AUTS2: variants seen among roughly 807,000 people sequenced by gnomAD.
The protein encoded by AUTS2 is activator of transcription and developmental regulator AUTS2.
In AUTS2, 17 loss-of-function variants were observed where a neutral mutation model predicts 112.4. That is an observed-to-expected ratio of 0.15 (90% confidence interval 0.10 to 0.23). AUTS2 has a LOEUF of 0.23. AUTS2 is among the 10% of genes least tolerant of loss of function. The pLI, the probability that AUTS2 is intolerant of heterozygous loss-of-function variation, is 1.00. For missense variants in AUTS2, 1,510 were observed against 1,701.6 expected (o/e 0.89, Z 1.98); for synonymous variants, 751 against 702.7 (o/e 1.07, Z -1.09).
intron 2 of AUTS2, among the ~76,000 whole-genome samples, chr7:69,958,733 CT>C (rs1374897528): frequency 2.6e-5 from 4 of 152,180 alleles, no homozygotes; most frequent in African/African-American, 9.6e-5. Flanking sequence ...GTTTAACCGA[CT>C]GCTAGGCTCC....
At chr7:70,145,925 A>G (rs887739118) in intron 4 of AUTS2, among the ~76,000 whole-genome samples, 1 of 152,092 alleles carries the variant, frequency 6.6e-6, no homozygotes, top group Non-Finnish European at 1.5e-5. Context: ...ACGTTTAGAG[A>G]CTGCTTTTTC....
At chr7:70,537,711 C>T (rs1483373772) in intron 5 of AUTS2, among the ~76,000 whole-genome samples, 3 of 152,168 alleles carry the variant, frequency 2.0e-5, no homozygotes, top group East Asian at 3.9e-4. Context: ...AGAAATCAAG[C>T]GGTGGTCTAC....
At chr7:70,410,286 C>G (rs1447302586) in intron 4 of AUTS2, among the ~76,000 whole-genome samples, 2 of 152,080 alleles carry the variant, frequency 1.3e-5, no homozygotes. Context: ...CTACCTCTTC[C>G]CCATGTAGAA....
chr7:70,010,093 C>G, intron 2 of AUTS2, among the ~76,000 whole-genome samples: 1 of 152,070 alleles, frequency 6.6e-6, no homozygotes, highest in East Asian at 1.9e-4. Context: ...AAAAAGTTAC[C>G]TGTGAGCCTT....
chr7:70,080,158 A>G (rs932864099), intron 2 of AUTS2, among the ~76,000 whole-genome samples: 7 of 152,202 alleles, frequency 4.6e-5, no homozygotes, highest in African/African-American at 1.7e-4. Context: ...GATTGTCTAC[A>G]CTTAAAAGAA....
chr7:70,270,342 A>G (rs569625969), intron 4 of AUTS2, among the ~76,000 whole-genome samples: 13 of 152,136 alleles, frequency 8.5e-5, no homozygotes, highest in Non-Finnish European at 1.8e-4. Flanking sequence ...TGAAGGATGA[A>G]TAGGAGTTTA....
At chr7:70,245,467 T>C (rs1358726553) in intron 4 of AUTS2, among the ~76,000 whole-genome samples, 1 of 152,182 alleles carries the variant, frequency 6.6e-6, no homozygotes, top group African/African-American at 2.4e-5. Flanking sequence ...CTTTGTTTCC[T>C]AAACAGTGAT....
intron 5 of AUTS2, among the ~76,000 whole-genome samples, chr7:70,557,244 G>T (rs564581646): frequency 2.0e-4 from 30 of 152,268 alleles, no homozygotes; most frequent in African/African-American, 7.0e-4. Context: ...GCACAATTTT[G>T]TTCTTTTCCC....
At chr7:69,980,496 T>C (rs1798250795) in intron 2 of AUTS2, among the ~76,000 whole-genome samples, 1 of 152,158 alleles carries the variant, frequency 6.6e-6, no homozygotes, top group South Asian at 2.1e-4. Context: ...GTAGATCTGG[T>C]TATGTACATA....
intron 5 of AUTS2, among the ~76,000 whole-genome samples, chr7:70,444,281 A>C (rs1195299587): frequency 6.6e-6 from 1 of 151,528 alleles, no homozygotes; most frequent in Non-Finnish European, 1.5e-5. Flanking sequence ...AATTTGTCTT[A>C]TACTGTATTA....
At chr7:69,895,200 C>T (rs1794693286) in intron 1 of AUTS2, among the ~76,000 whole-genome samples, 1 of 152,034 alleles carries the variant, frequency 6.6e-6, no homozygotes, top group African/African-American at 2.4e-5. Context: ...TATGATCAGT[C>T]TTTGTCTTTG....
intron 4 of AUTS2, among the ~76,000 whole-genome samples, chr7:70,307,374 G>A (rs930612889): frequency 3.9e-5 from 6 of 152,174 alleles, no homozygotes; most frequent in Admixed American, 3.3e-4. Context: ...ATTGGCTACT[G>A]CCTTTCAGAC....
intron 2 of AUTS2, among the ~76,000 whole-genome samples, chr7:69,961,909 T>A (rs1167303107): frequency 6.6e-6 from 1 of 152,166 alleles, no homozygotes; most frequent in African/African-American, 2.4e-5. Context: ...CAAGGAATTC[T>A]AAGTATCAAG....
intron 2 of AUTS2, among the ~76,000 whole-genome samples, chr7:69,908,795 GAT>G (rs1203869307): frequency 6.6e-6 from 1 of 152,220 alleles, no homozygotes; most frequent in African/African-American, 2.4e-5. Flanking sequence ...GAGAGGTTGA[GAT>G]TGGCTATAAT....
At chr7:70,358,693 C>T (rs571267259) in intron 4 of AUTS2, among the ~76,000 whole-genome samples, 7 of 152,328 alleles carry the variant, frequency 4.6e-5, no homozygotes, top group East Asian at 3.9e-4. Flanking sequence ...CCCATCCCCA[C>T]GACTTCATGG....
intron 5 of AUTS2, among the ~76,000 whole-genome samples, chr7:70,478,004 C>G (rs1797647282): frequency 9.5e-6 from 1 of 105,326 alleles, no homozygotes; most frequent in Admixed American, 9.1e-5. Flanking sequence ...ACCAAGAGTC[C>G]CATGGGAAGA....
intron 4 of AUTS2, among the ~76,000 whole-genome samples, chr7:70,348,268 C>T (rs930005726): frequency 2.0e-5 from 3 of 152,142 alleles, no homozygotes; most frequent in Non-Finnish European, 4.4e-5. Context: ...TACCAGCTAG[C>T]CATTGGCAAA....
intron 4 of AUTS2, among the ~76,000 whole-genome samples, chr7:70,351,136 C>A (rs562514861): frequency 6.6e-6 from 1 of 151,956 alleles, no homozygotes; most frequent in Admixed American, 6.6e-5. Flanking sequence ...CTGCAACCTC[C>A]GCCTTCCAGG....
At chr7:69,843,282 A>G (rs774364879) in intron 1 of AUTS2, among the ~76,000 whole-genome samples, 1 of 152,178 alleles carries the variant, frequency 6.6e-6, no homozygotes, top group Non-Finnish European at 1.5e-5. Context: ...GGCAAACCAA[A>G]TAAAATGGGT....
Sources: gnomAD v4.1 joint callset for allele counts (sites outside exome capture counted in the v4.1 genomes callset) on GRCh38, gnomAD v4.1.1 for gene constraint, MANE v1.5 for transcripts, NCBI Gene and HGNC (gene_info 2026-07-23, HGNC 2026-07-21) for gene names.